Variants in LCN8 observed in about 807,000 individuals in gnomAD.
LCN8 encodes the protein epididymal-specific lipocalin-8.
LCN8 carries 16 observed loss-of-function variants against 22.8 expected under a neutral mutation model. The observed-to-expected ratio is 0.70, with a 90% CI of 0.47 to 1.06. The LOEUF is 1.06. Among genes scored for constraint, LCN8 ranks in the 50% least tolerant of loss-of-function variants. The probability of loss-of-function intolerance (pLI) is 0.00; values close to 1 mark genes in which losing one functional copy is unlikely to be tolerated. For synonymous variants in LCN8, 92 were observed against 83.4 expected, an observed-to-expected ratio of 1.10 and a Z score of -0.56; for missense variants, 189 against 203.3, an observed-to-expected ratio of 0.93 and a Z score of 0.43.
In LCN8 at chr9:136,758,165, C is replaced by T. The variant is rs868455651; in HGVS notation, c.-235G>A. ...GCGCCATCGGCCCTGGTGACACCCA[C>T]GCCCACCGCAGGGGTTAGCCTGGCC... is the stretch of plus-strand genomic sequence containing the variant. On this transcript the variant is annotated 5_prime_UTR_variant, in exon 1 of 7. The change creates a new upstream start codon in the 5' untranslated region. Transcript: ENST00000371688. The T allele has an allele frequency of 2.2e-5, 32 of 1,429,580 alleles. No individual in the cohort carries two copies. The highest frequency in any genetic ancestry group is 1.5e-4 in the South Asian group (10 of 68,258). 88.6% of individuals were successfully genotyped at this position (1,429,580 alleles called of 1,614,324 possible).
upstream of LCN8, chr9:136,758,493 A>G: frequency 1.0e-6 from 1 of 992,086 alleles, no homozygotes; most frequent in Non-Finnish European, 1.2e-6. Context: ...GCACAGCGCC[A>G]GCGACCAGAG....
Position 136,758,050 on chromosome 9 carries a change from A to G in LCN8, c.-120T>C, listed in dbSNP as rs777783135. 112 of 1,542,922 alleles carry G rather than the reference A, an allele frequency of 7.3e-5. 1 individual carries two copies. In the South Asian group the frequency reaches 8.1e-4, roughly 11 times the overall value. ...CTGCTGCACAGCCTGGGCCGATTCT[A>G]TACGGACAGTGCAGGCTTGTGCGCC... is the stretch of plus-strand genomic sequence containing the variant. On this transcript the variant is annotated 5_prime_UTR_variant, in exon 1 of 7. An upstream open reading frame in the 5' UTR loses its in-frame stop. Coordinates refer to ENST00000371688, the MANE Select transcript of LCN8 (RefSeq NM_178469.4).
At chr9:136,754,618 G>A (rs560296305) in intron 6 of LCN8, 109 bp from the exon 7 acceptor site, 25 of 1,483,392 alleles carry the variant, frequency 1.7e-5, no homozygotes, top group East Asian at 7.5e-5. Flanking sequence ...CTGGTTTTGC[G>A]CAAAGCACCC....
chr9:136,755,996 G>A (rs1444720842), intron 3 of LCN8: 3 of 1,288,808 alleles, frequency 2.3e-6, no homozygotes, highest in East Asian at 5.5e-5. Context: ...AGAGAAAAGT[G>A]CAGGGAACAG....
In LCN8 at chr9:136,755,041, G is replaced by A. The variant is rs142832044; in HGVS notation, c.447+94C>T. 1,447 of 1,444,420 alleles carry A rather than the reference G, an allele frequency of 1.0e-3. 9 individuals carry two copies. The African/African-American group carries it at 0.018, about 18-fold the overall frequency. The allele number at this position is 1,444,420 out of a possible 1,614,324, so 89.5% of individuals were successfully genotyped here. A position where few individuals can be genotyped will look rare whatever the true frequency, so the allele number is the denominator to read the frequency against. On this transcript the variant is annotated intron_variant, in intron 6 of 6. Transcript: ENST00000371688. ...GGGTGAGAAGGCCCAGCCCAGGGCC[G>A]GGAGGCGGAGCCACGGGGGCTCCTG...
At chr9:136,754,899 T>C in intron 6 of LCN8, 1 of 1,362,270 alleles carries the variant, frequency 7.3e-7, no homozygotes, top group Non-Finnish European at 9.4e-7. Flanking sequence ...CCTCCCAGGG[T>C]CCCTGCCTGG....
intron 3 of LCN8, chr9:136,755,793 T>TGCAGGGAACCCA: frequency 6.9e-7 from 1 of 1,442,706 alleles, no homozygotes; most frequent in Non-Finnish European, 9.1e-7. Context: ...TGGGGAACAG[T>TGCAGGGAACCCA]GCAGGGAACA....
In LCN8 at chr9:136,754,490, G is replaced by A; in HGVS notation, c.*8C>T. The A allele has an allele frequency of 6.4e-7, 1 of 1,557,058 alleles. No individual in the cohort carries two copies. Among genetic ancestry groups the A allele is most frequent in the Non-Finnish European group, 8.7e-7 (1 of 1,149,974 alleles). ...CTCCGAACCTTGTGGTCTGAGGCAG[G>A]AACTCCATTAAATCAGCTCCTGCGA... On this transcript the variant is annotated 3_prime_UTR_variant, in exon 7 of 7. Coordinates refer to ENST00000371688, the MANE Select transcript of LCN8 (RefSeq NM_178469.4).
chr9:136,755,090 G>A (rs1253267943), intron 6 of LCN8, 45 bp downstream of exon 6: 2 of 1,478,748 alleles, frequency 1.4e-6, no homozygotes, highest in Admixed American at 2.5e-5. Context: ...CTGGGCCAGG[G>A]GCCCGGGAAC....
Position 136,755,345 on chromosome 9 carries a change from A to T in LCN8, c.332-12T>A. ...CTCAAGGCTCCGAGCTGTGGGGCAC[A>T]GGGGGGCTGGGCGGGCAGTCCCTGG... On this transcript the variant is annotated splice_polypyrimidine_tract_variant and intron_variant, in intron 4 of 6. Coordinates refer to ENST00000371688, the MANE Select transcript of LCN8 (RefSeq NM_178469.4). The T allele has an allele frequency of 6.2e-7, 1 of 1,609,936 alleles. No homozygotes were observed. Among genetic ancestry groups the T allele is most frequent in the Non-Finnish European group, 8.5e-7 (1 of 1,179,896 alleles).
chr9:136,757,221 A>G, intron 1 of LCN8, 53 bp from the exon 2 acceptor site: 1 of 1,586,668 alleles, frequency 6.3e-7, no homozygotes, highest in Non-Finnish European at 8.6e-7. Flanking sequence ...TGAGACCCCC[A>G]GGGGCATTCC....
rs144618052 is a variant in LCN8, at chr9:136,757,113, G to A, written c.80C>T (p.Thr27Met). ...GVASDQSLVL[T>M]APKRVEGLFL... Reference sequence around the variant, plus strand: ...CAAGCCCTCCACCCGCTTCGGGGCCGTCAGCACCAGGCTTTGATCGGAGGC... The same window carrying A: ...CAAGCCCTCCACCCGCTTCGGGGCCATCAGCACCAGGCTTTGATCGGAGGC... The change falls in exon 2 of 7, where the codon ACG becomes ATG. Residue 27 changes from threonine (T) to methionine (M), a missense_variant. Physicochemically the swap from Thr to Met is moderately conservative, Grantham distance 81. Transcript: ENST00000371688. The A allele has an allele frequency of 3.8e-5, 62 of 1,613,426 alleles. No individual in the cohort carries two copies. The highest frequency in any genetic ancestry group is 1.8e-4 in the East Asian group (8 of 44,856).
At chr9:136,757,884 A>T (rs1554763406) in intron 1 of LCN8, 23 bp downstream of exon 1, 1 of 1,613,656 alleles carries the variant, frequency 6.2e-7, no homozygotes, top group Non-Finnish European at 8.5e-7. Context: ...GAGGAGCCCC[A>T]CCAACTAAGA....
Position 136,757,069 on chromosome 9 carries a change from TC to T in LCN8, c.123del (p.Ser42ValfsTer3). 6.2e-7 allele frequency: 1 copy of T among 1,613,506 alleles called. No individual in the cohort carries two copies. Among genetic ancestry groups the T allele is most frequent in the Non-Finnish European group, 8.5e-7 (1 of 1,179,814 alleles). On this transcript the variant is annotated frameshift_variant, in exon 2 of 7. Transcript: ENST00000371688. LOFTEE classifies it high-confidence loss of function. ...RVEGLFLTLSGSNLTVKVAYN... is the reference protein window; with the variant it reads ...RVEGLFLTLSXSNLTVKVAYN... ...TATGCAACCTTCACGGTCAGGTTAC[TC>T]CCGCTCAAGGTGAGGAACAAGCCCT...
At chr9:136,756,217 G>T (rs1025599498) in intron 3 of LCN8, 4 of 1,097,990 alleles carry the variant, frequency 3.6e-6, no homozygotes, top group Non-Finnish European at 4.8e-6. Context: ...ACAGCATGGG[G>T]AACAGTGCAG....
Position 136,758,046 on chromosome 9 carries a change from T to G in LCN8, c.-116A>C. ...TCCCCTGCTGCACAGCCTGGGCCGATTCTATACGGACAGTGCAGGCTTGTG... is the reference window on the plus strand; with the variant it reads ...TCCCCTGCTGCACAGCCTGGGCCGAGTCTATACGGACAGTGCAGGCTTGTG... On this transcript the variant is annotated 5_prime_UTR_variant, in exon 1 of 7. Coordinates refer to ENST00000371688, the MANE Select transcript of LCN8 (RefSeq NM_178469.4). The G allele has an allele frequency of 6.5e-7, 1 of 1,546,576 alleles. No homozygotes were observed. Among genetic ancestry groups the G allele is most frequent in the Non-Finnish European group, 8.7e-7 (1 of 1,148,248 alleles).
In LCN8 at chr9:136,756,211, CATGGGGAACAGTGCAGGGAACAGT is replaced by C. The variant is rs1183782018; in HGVS notation, c.226+287_226+310del. 2.8e-4 allele frequency: 306 copies of C among 1,088,326 alleles called. 2 individuals are homozygous for C. The African/African-American group carries it at 5.0e-3, about 18-fold the overall frequency. 67.4% of individuals were successfully genotyped at this position (1,088,326 alleles called of 1,614,324 possible). ...GCATGGGGAACAGCGCAGGGAACAG[CATGGGGAACAGTGCAGGGAACAGT>C]GCAGGGAACGCATGGGGAATGGCGC... On this transcript the variant is annotated intron_variant, in intron 3 of 6. Coordinates refer to ENST00000371688, the MANE Select transcript of LCN8 (RefSeq NM_178469.4).
intron 2 of LCN8, 27 bp from the exon 3 acceptor site, chr9:136,756,619 T>C (rs1847211344): frequency 6.2e-7 from 1 of 1,611,188 alleles, no homozygotes; most frequent in Non-Finnish European, 8.5e-7. Flanking sequence ...TGCCCATCGG[T>C]AAAATGCTAG....
chr9:136,755,909 C>G lies in LCN8; in HGVS notation c.227-393G>C. On this transcript the variant is annotated intron_variant, in intron 3 of 6. Coordinates refer to ENST00000371688, the MANE Select transcript of LCN8 (RefSeq NM_178469.4). ...ATAGTGCAGGGAGCAGTGCGGGGAACAGTGCAGGGAGCATTGCAGGGAACA... is the reference window on the plus strand; with the variant it reads ...ATAGTGCAGGGAGCAGTGCGGGGAAGAGTGCAGGGAGCATTGCAGGGAACA... 7 of 1,296,982 alleles carry G rather than the reference C, an allele frequency of 5.4e-6. No individual in the cohort carries two copies. In the South Asian group the frequency reaches 7.5e-5, roughly 14 times the overall value. 80.3% of individuals were successfully genotyped at this position (1,296,982 alleles called of 1,614,324 possible).
Sources: gnomAD v4.1 joint callset for allele counts on GRCh38, gnomAD v4.1.1 for gene constraint, MANE v1.5 for transcripts, NCBI Gene and HGNC (gene_info 2026-07-23, HGNC 2026-07-21) for gene names.